Variants in SLC24A3 observed in about 807,000 individuals in gnomAD.
SLC24A3 encodes the protein solute carrier family 24 member 3.
Under a neutral mutation model 75.8 loss-of-function variants are expected in SLC24A3, and 28 were observed. That is an observed-to-expected ratio of 0.37 (90% CI 0.27 to 0.51). The LOEUF is 0.51. SLC24A3 is among the 20% of genes least tolerant of loss of function. SLC24A3 has a pLI of 0.94. For missense variants in SLC24A3, 663 were observed against 847.8 expected, an observed-to-expected ratio of 0.78 and a Z score of 2.71; for synonymous variants, 372 against 334.1, an observed-to-expected ratio of 1.11 and a Z score of -1.24.
At chr20:19,587,193 T>C (rs2031310491) in intron 6 of SLC24A3, among the ~76,000 whole-genome samples, 1 of 152,196 alleles carries the variant, frequency 6.6e-6, no homozygotes, top group South Asian at 2.1e-4. Context: ...TACCTGAAGC[T>C]TGATTCACAA....
At chr20:19,664,872 ATG>A (rs1398730238) in intron 7 of SLC24A3, among the ~76,000 whole-genome samples, 1 of 152,252 alleles carries the variant, frequency 6.6e-6, no homozygotes, top group East Asian at 1.9e-4. Flanking sequence ...GTCATCAGCC[ATG>A]TGTGTCATGA....
chr20:19,719,724 C>A (rs1489307510), intron 16 of SLC24A3, among the ~76,000 whole-genome samples: 1 of 152,224 alleles, frequency 6.6e-6, no homozygotes, highest in East Asian at 1.9e-4. Flanking sequence ...TTTCCTCCAA[C>A]CCTGATGGAC....
intron 12 of SLC24A3, among the ~76,000 whole-genome samples, chr20:19,690,792 C>T (rs1040726296): frequency 4.6e-5 from 7 of 152,224 alleles, no homozygotes; most frequent in African/African-American, 1.7e-4. Context: ...ATGTTCTCAT[C>T]ATTCACTTGA....
chr20:19,476,557 G>C (rs2122513390), intron 2 of SLC24A3, among the ~76,000 whole-genome samples: 1 of 152,284 alleles, frequency 6.6e-6, no homozygotes, highest in South Asian at 2.1e-4. Context: ...ACACCATGAA[G>C]AGAATAAAAA....
chr20:19,349,706 CTTTGTTGACTCCT>C (rs1187556786), intron 2 of SLC24A3, among the ~76,000 whole-genome samples: 3 of 152,210 alleles, frequency 2.0e-5, no homozygotes, highest in Non-Finnish European at 2.9e-5. Flanking sequence ...TGATAAATTA[CTTTGTTGACTCCT>C]TTGTTGGCTC....
At chr20:19,515,236 TATG>T (rs1025945523) in intron 2 of SLC24A3, among the ~76,000 whole-genome samples, 1 of 152,314 alleles carries the variant, frequency 6.6e-6, no homozygotes, top group African/African-American at 2.4e-5. Context: ...GCTGCACAAG[TATG>T]ATGGTATGAC....
intron 3 of SLC24A3, among the ~76,000 whole-genome samples, chr20:19,572,826 G>A (rs568016141): frequency 1.3e-5 from 2 of 152,262 alleles, no homozygotes; most frequent in African/African-American, 4.8e-5. Context: ...CAGACCCATG[G>A]TCAGTTCCAC....
At chr20:19,604,330 G>T (rs1243876630) in intron 6 of SLC24A3, among the ~76,000 whole-genome samples, 1 of 152,160 alleles carries the variant, frequency 6.6e-6, no homozygotes, top group Non-Finnish European at 1.5e-5. Context: ...CTAGTGGTAT[G>T]AAGGAGGAGC....
intron 2 of SLC24A3, 100 bp from the exon 3 acceptor site, chr20:19,515,388 C>T (rs933448576): frequency 1.4e-5 from 15 of 1,087,288 alleles, no homozygotes; most frequent in Non-Finnish European, 1.9e-5. Context: ...TTTTTTTCAT[C>T]CAAGTTCATG....
At chr20:19,564,662 C>T (rs2030927501) in intron 3 of SLC24A3, among the ~76,000 whole-genome samples, 1 of 152,138 alleles carries the variant, frequency 6.6e-6, no homozygotes, top group African/African-American at 2.4e-5. Context: ...CCTCCAGTCT[C>T]ATCTGTTTGT....
At chr20:19,333,853 G>T (rs1359000709) in intron 2 of SLC24A3, among the ~76,000 whole-genome samples, 2 of 152,082 alleles carry the variant, frequency 1.3e-5, no homozygotes, top group East Asian at 1.9e-4. Context: ...TTTGATTTTT[G>T]AATGTAGCCA....
intron 7 of SLC24A3, among the ~76,000 whole-genome samples, chr20:19,655,971 G>T (rs2032261075): frequency 6.6e-6 from 1 of 151,966 alleles, no homozygotes; most frequent in African/African-American, 2.4e-5. Context: ...AGCCCTCACT[G>T]GCTCTCATGA....
intron 2 of SLC24A3, among the ~76,000 whole-genome samples, chr20:19,314,636 T>C (rs1984541560): frequency 6.6e-6 from 1 of 152,212 alleles, no homozygotes; most frequent in Non-Finnish European, 1.5e-5. Context: ...TTTACTGGAA[T>C]TGTAGACACT....
At chr20:19,621,797 G>A (rs76484757) in intron 6 of SLC24A3, among the ~76,000 whole-genome samples, 7,041 of 152,206 alleles carry the variant, frequency 0.046, 556 homozygotes, top group African/African-American at 0.16. Context: ...TGCTCTTTCC[G>A]TCTTCCCTGG....
chr20:19,577,520 C>T (rs956184955), intron 3 of SLC24A3, among the ~76,000 whole-genome samples: 6 of 152,094 alleles, frequency 3.9e-5, no homozygotes, highest in African/African-American at 1.5e-4. Context: ...TCTCCCATCA[C>T]CTACAAAAGT....
At chr20:19,667,785 T>C (rs1268645675) in intron 8 of SLC24A3, among the ~76,000 whole-genome samples, 1 of 152,194 alleles carries the variant, frequency 6.6e-6, no homozygotes, top group East Asian at 1.9e-4. Context: ...GTTCAGATGG[T>C]TTGGAGCAAG....
chr20:19,468,504 G>A (rs908078503), intron 2 of SLC24A3, among the ~76,000 whole-genome samples: 1 of 152,106 alleles, frequency 6.6e-6, no homozygotes, highest in African/African-American at 2.4e-5. Flanking sequence ...TGGAGAAGGT[G>A]AAAATCTCGT....
At chr20:19,681,157 T>C (rs548337937) in intron 9 of SLC24A3, among the ~76,000 whole-genome samples, 2 of 152,338 alleles carry the variant, frequency 1.3e-5, no homozygotes, top group South Asian at 4.1e-4. Context: ...GCTTCTTCCC[T>C]TCCCACCTCA....
chr20:19,452,650 C>T (rs1987507141), intron 2 of SLC24A3, among the ~76,000 whole-genome samples: 1 of 151,870 alleles, frequency 6.6e-6, no homozygotes, highest in African/African-American at 2.4e-5. Flanking sequence ...CATTCTAGGC[C>T]AGAGAGGTAA....
Sources: gnomAD v4.1 joint callset for allele counts (sites outside exome capture counted in the v4.1 genomes callset) on GRCh38, gnomAD v4.1.1 for gene constraint, MANE v1.5 for transcripts, NCBI Gene and HGNC (gene_info 2026-07-23, HGNC 2026-07-21) for gene names.